FOCAD: variants seen among roughly 807,000 people sequenced by gnomAD.
FOCAD encodes the protein focadhesin.
In FOCAD, 198 loss-of-function variants were observed where a neutral mutation model predicts 225.6. The ratio of observed to expected loss-of-function variants is 0.88; its 90% CI spans 0.78 to 0.99. The LOEUF (loss-of-function observed/expected upper bound fraction) is 0.99. FOCAD is among the 50% of genes least tolerant of loss of function. FOCAD has a pLI of 0.00. For synonymous variants in FOCAD, 897 were observed against 755.0 expected, an observed-to-expected ratio of 1.19 and a Z score of -3.08; for missense variants, 2,713 against 2,123.6, an observed-to-expected ratio of 1.28 and a Z score of -5.46.
intron 11 of FOCAD, among the ~76,000 whole-genome samples, chr9:20,801,032 G>T (rs922810261): frequency 2.6e-5 from 4 of 152,072 alleles, no homozygotes; most frequent in African/African-American, 4.8e-5. Flanking sequence ...TTTTGGTGTG[G>T]ATGTCCTTTC....
In FOCAD at chr9:20,723,412, C is replaced by T. The variant is rs142818248; in HGVS notation, c.287+2878C>T. Among the ~76,000 whole-genome samples the T allele has an allele frequency of 5.7e-3, 868 of 152,272 alleles. 8 individuals carry two copies. Among genetic ancestry groups the T allele is most frequent in the African/African-American group, 0.02 (832 of 41,546 alleles). ...CTGAGGCAGGAGAATCACTCGAACC[C>T]GGGAGGCGGATCTTGCAGCGAGCTG... On this transcript the variant is annotated intron_variant, in intron 4 of 43. Coordinates refer to ENST00000338382, the MANE Select transcript of FOCAD (RefSeq NM_001375567.1).
chr9:20,690,730 T>G (rs955786993), intron 1 of FOCAD, among the ~76,000 whole-genome samples: 2 of 152,066 alleles, frequency 1.3e-5, no homozygotes, highest in African/African-American at 4.8e-5. Context: ...CTATTTCTTG[T>G]AGCGGTGGGG....
intron 14 of FOCAD, 99 bp from the exon 15 acceptor site, chr9:20,822,890 G>C: frequency 8.6e-7 from 1 of 1,156,094 alleles, no homozygotes; most frequent in Non-Finnish European, 1.2e-6. Flanking sequence ...TGGCACAAGA[G>C]TATAGAAAAT....
chr9:20,872,170 A>G (rs1032242081), intron 18 of FOCAD, among the ~76,000 whole-genome samples: 1 of 152,300 alleles, frequency 6.6e-6, no homozygotes, highest in Non-Finnish European at 1.5e-5. Context: ...TATTCACTGC[A>G]TAGAAGATAA....
In FOCAD at chr9:20,866,957, G is replaced by T; in HGVS notation, c.2135G>T (p.Arg712Ile). ...KDPIVANAAY[R>I]SLANFSAGEH... is the part of the protein sequence containing the mutation. ...CCAATTGTAGCAAATGCTGCATATA[G>T]ATCCCTGGCCAACTTTAGTGCAGGA... Residue 712 changes from arginine (R) to isoleucine (I), a missense_variant, in exon 18 of 44, where the codon AGA becomes ATA. Physicochemically the swap from Arg to Ile is moderately conservative, Grantham distance 97. Transcript: ENST00000338382. The T allele has an allele frequency of 5.1e-6, 6 of 1,187,226 alleles. No homozygotes were observed. The highest frequency in any genetic ancestry group is 5.7e-6 in the Non-Finnish European group (5 of 880,500). The allele number at this position is 1,187,226 out of a possible 1,614,324, so 73.5% of individuals were successfully genotyped here.
chr9:20,694,630 C>A (rs1823200991), intron 1 of FOCAD: 1 of 151,960 alleles, frequency 6.6e-6, no homozygotes, highest in Admixed American at 6.6e-5. Context: ...TTAAAATTTT[C>A]TTTTATTTTT....
intron 5 of FOCAD, among the ~76,000 whole-genome samples, chr9:20,755,484 A>G (rs1173684299): frequency 1.3e-5 from 2 of 152,174 alleles, no homozygotes; most frequent in East Asian, 3.8e-4. Flanking sequence ...ACCTGATTCA[A>G]TTTGGACAAA....
At chr9:20,907,312 T>C in intron 22 of FOCAD, 70 bp downstream of exon 22, 4 of 1,280,378 alleles carry the variant, frequency 3.1e-6, no homozygotes, top group Non-Finnish European at 4.5e-6. Flanking sequence ...TACAAATGTG[T>C]ATTTAATATA....
Position 20,839,840 on chromosome 9 carries a change from G to A in FOCAD, c.1920+16725G>A, listed in dbSNP as rs115201400. Among the ~76,000 whole-genome samples, 948 of 152,040 alleles carry A rather than the reference G, an allele frequency of 6.2e-3. 13 individuals are homozygous for A. The highest frequency in any genetic ancestry group is 0.022 in the African/African-American group (904 of 41,492). ...TGGCCCTGATTTGACTTTTTTATATGCTAAGAGATAAGGGTCAAGTTTCAT... is the reference window on the plus strand; with the variant it reads ...TGGCCCTGATTTGACTTTTTTATATACTAAGAGATAAGGGTCAAGTTTCAT... On this transcript the variant is annotated intron_variant, in intron 15 of 43. Coordinates refer to ENST00000338382, the MANE Select transcript of FOCAD (RefSeq NM_001375567.1).
chr9:20,840,256 G>T (rs1156632555), intron 15 of FOCAD, among the ~76,000 whole-genome samples: 1 of 151,868 alleles, frequency 6.6e-6, no homozygotes, highest in Admixed American at 6.6e-5. Flanking sequence ...AAATAATGTG[G>T]ACATTTTAAC....
intron 10 of FOCAD, among the ~76,000 whole-genome samples, chr9:20,783,809 G>C (rs1245578057): frequency 6.6e-6 from 1 of 152,142 alleles, no homozygotes; most frequent in African/African-American, 2.4e-5. Context: ...TCCCGCAAGA[G>C]AATGTGGGGG....
chr9:20,838,854 G>A (rs150453360), intron 15 of FOCAD, among the ~76,000 whole-genome samples: 2 of 151,816 alleles, frequency 1.3e-5, no homozygotes, highest in African/African-American at 4.8e-5. Context: ...CTGCCCATGG[G>A]GTATGGAAAG....
chr9:20,923,903 A>G (rs1389927085), intron 25 of FOCAD, 135 bp downstream of exon 25: 10 of 633,682 alleles, frequency 1.6e-5, no homozygotes, highest in Non-Finnish European at 2.5e-5. Context: ...GGGCCTTTAT[A>G]CTGTGAGCCT....
chr9:20,885,041 A>G, intron 20 of FOCAD, 68 bp from the exon 21 acceptor site: 1 of 976,232 alleles, frequency 1.0e-6, no homozygotes, highest in South Asian at 4.0e-5. Context: ...CCTGGGCAAC[A>G]GAGTGAGATT....
At chr9:20,853,586 G>A (rs995657863) in intron 15 of FOCAD, among the ~76,000 whole-genome samples, 11 of 151,682 alleles carry the variant, frequency 7.3e-5, no homozygotes, top group Non-Finnish European at 1.3e-4. Flanking sequence ...ATTCTCTAAG[G>A]CATAGTTTGG....
chr9:20,918,519 C>T (rs1274830511), intron 24 of FOCAD, among the ~76,000 whole-genome samples: 1 of 151,914 alleles, frequency 6.6e-6, no homozygotes, highest in Non-Finnish European at 1.5e-5. Context: ...GTCAGGAGAT[C>T]GAGACCATCC....
rs117591845 is a variant in FOCAD, at chr9:20,981,543, C to T, written c.4495C>T (p.Pro1499Ser). 5.5e-3 allele frequency: 8,893 copies of T among 1,614,024 alleles called. 40 individuals carry two copies. Among genetic ancestry groups the T allele is most frequent in the Non-Finnish European group, 6.8e-3 (8,033 of 1,180,002 alleles). ...GGTGGCAGTTTTTAAAGCAGCTTCCCCACTTGGAAGTCCTGAGCTATGCCC... is the reference window on the plus strand; with the variant it reads ...GGTGGCAGTTTTTAAAGCAGCTTCCTCACTTGGAAGTCCTGAGCTATGCCC... ...LMVAVFKAAS[P>S]LGSPELCPSA... Residue 1499 changes from proline to serine, a missense_variant, in exon 38 of 44, where the codon CCA (proline) becomes TCA (serine). Coordinates refer to ENST00000338382, the MANE Select transcript of FOCAD (RefSeq NM_001375567.1).
chr9:20,862,878 CT>C, intron 16 of FOCAD, 166 bp downstream of exon 16: 1 of 533,648 alleles, frequency 1.9e-6, no homozygotes, highest in Non-Finnish European at 3.0e-6. Context: ...CCTCATCAAT[CT>C]TATGTCTAAA....
intron 1 of FOCAD, among the ~76,000 whole-genome samples, chr9:20,713,286 C>T (rs1586918747): frequency 6.6e-6 from 1 of 152,176 alleles, no homozygotes; most frequent in South Asian, 2.1e-4. Context: ...CTGCTGTATG[C>T]ACATCTCTTT....
Sources: gnomAD v4.1 joint callset for allele counts (sites outside exome capture counted in the v4.1 genomes callset) on GRCh38, gnomAD v4.1.1 for gene constraint, MANE v1.5 for transcripts, NCBI Gene and HGNC (gene_info 2026-07-23, HGNC 2026-07-21) for gene names.